SH3BP5L: variants seen among roughly 807,000 people sequenced by gnomAD.
SH3BP5L encodes SH3 domain-binding protein 5-like.
In SH3BP5L, 16 loss-of-function variants were observed where a neutral mutation model predicts 40.9. That is an observed-to-expected ratio of 0.39 (90% CI 0.27 to 0.59). SH3BP5L has a LOEUF of 0.59. Among genes scored for constraint, SH3BP5L ranks in the 20% least tolerant of loss-of-function variants. SH3BP5L has a pLI of 0.53. For synonymous variants in SH3BP5L, 229 were observed against 226.7 expected, an observed-to-expected ratio of 1.01 and a Z score of -0.09; for missense variants, 471 against 544.6, an observed-to-expected ratio of 0.86 and a Z score of 1.35.
In SH3BP5L at chr1:248,824,752, C is replaced by A; in HGVS notation, c.183+1G>T. ...TCTCTCCCTGCTCTCAGTGCTCTCA[C>A]CTGTATTCTAGGATCCAGTTCTTCC... On this transcript the variant is annotated splice_donor_variant, in intron 2 of 6. Coordinates refer to ENST00000366472, the MANE Select transcript of SH3BP5L (RefSeq NM_030645.3). LOFTEE classifies it high-confidence loss of function. 1 of 1,613,674 alleles carries A rather than the reference C, an allele frequency of 6.2e-7. No homozygotes were observed. The highest frequency in any genetic ancestry group is 8.5e-7 in the Non-Finnish European group (1 of 1,179,696).
rs111273181 is a variant in SH3BP5L at position 248,824,965 on chromosome 1, A to C, written c.-30T>G. On this transcript the variant is annotated 5_prime_UTR_variant, in exon 2 of 7. Coordinates refer to ENST00000366472, the MANE Select transcript of SH3BP5L (RefSeq NM_030645.3). ...ACAGGGGGAGGGCAGAGCCCTATGC[A>C]CAAGAGAGGACTGACATGCTGGGAC... The C allele has an allele frequency of 1.2e-5, 19 of 1,587,444 alleles. No homozygotes were observed. The African/African-American group carries it at 1.4e-4, about 11-fold the overall frequency.
chr1:248,820,916 T>A (rs957471670), intron 2 of SH3BP5L: 1 of 152,184 alleles, frequency 6.6e-6, no homozygotes, highest in Non-Finnish European at 1.5e-5. Flanking sequence ...GTTACTACTG[T>A]TAAAAGGACA....
At chr1:248,817,066 A>T in intron 2 of SH3BP5L, 182 bp from the exon 3 acceptor site, 1 of 1,531,160 alleles carries the variant, frequency 6.5e-7, no homozygotes, top group Non-Finnish European at 8.8e-7. Flanking sequence ...CAGGGACCTG[A>T]TACATACAAT....
intron 2 of SH3BP5L, among the ~76,000 whole-genome samples, chr1:248,824,016 C>G (rs546312433): frequency 6.6e-6 from 1 of 152,168 alleles, no homozygotes; most frequent in South Asian, 2.1e-4. Context: ...CACTGACTAC[C>G]CCCAGGTCTC....
At position 248,814,496 on chromosome 1, in the gene SH3BP5L, G is replaced by A. The variant is rs368667660; in HGVS notation, c.490C>T (p.Arg164Ter). ...AEQGVMADKN[R>*]LDPTWQEMLN... is the part of the protein sequence containing the mutation. ...ATCTCCTGCCACGTGGGGTCCAGTC[G>A]GTTCTTGTCAGCCATGACGCCCTGC... Residue 164 changes from arginine to a stop codon, truncating the protein, a stop_gained, in exon 5 of 7, where the codon CGA becomes TGA. Transcript: ENST00000366472. LOFTEE classifies it high-confidence loss of function. 4 of 1,614,186 alleles carry A rather than the reference G, an allele frequency of 2.5e-6. No individual in the cohort carries two copies. The highest frequency in any genetic ancestry group is 3.4e-6 in the Non-Finnish European group (4 of 1,180,042).
In SH3BP5L at chr1:248,812,424, T is replaced by A; in HGVS notation, c.712-54A>T. On this transcript the variant is annotated intron_variant, in intron 6 of 6. Transcript: ENST00000366472. This position sits in a 1 kb window ranked among gnomAD's most constrained non-coding sequence, Gnocchi z 6.1. ...CCCATGGGGCACGTCTCCACCTTCC[T>A]CAGCACTCTGCACTGAGGTCTGAGG... 1 of 1,414,506 alleles carries A rather than the reference T, an allele frequency of 7.1e-7. No homozygotes were observed. Among genetic ancestry groups the A allele is most frequent in the Non-Finnish European group, 9.8e-7 (1 of 1,019,122 alleles). 87.6% of individuals were successfully genotyped at this position (1,414,506 alleles called of 1,614,324 possible).
Position 248,813,062 on chromosome 1 carries a change from T to A in SH3BP5L, c.638A>T (p.Lys213Met), listed in dbSNP as rs1361368175. 3 of 1,612,226 alleles carry A rather than the reference T, an allele frequency of 1.9e-6. No homozygotes were observed. Among genetic ancestry groups the A allele is most frequent in the Non-Finnish European group, 2.5e-6 (3 of 1,178,842 alleles). Residue 213 changes from lysine to methionine, a missense_variant, in exon 6 of 7, where the codon AAG becomes ATG. By Grantham distance (95) the Lys-to-Met change is moderately conservative. Coordinates refer to ENST00000366472, the MANE Select transcript of SH3BP5L (RefSeq NM_030645.3). The part of the protein sequence containing the change: ...QAEARVQALQ[K>M]TLRRAIGKSR... ...CTTGCCGATGGCCCTCCGGAGGGTC[T>A]TCTGCAGGGCTTGGACCCGAGCCTC...
chr1:248,815,667 ATAT>A (rs748936605), intron 4 of SH3BP5L, among the ~76,000 whole-genome samples: 125 of 152,166 alleles, frequency 8.2e-4, no homozygotes, highest in Non-Finnish European at 1.5e-3. Flanking sequence ...GACCAAGCCG[ATAT>A]TTCCTCTGCC....
In SH3BP5L at chr1:248,825,828, G is replaced by C. The variant is rs537924557; in HGVS notation, c.-432+7C>G. 1 of 969,908 alleles carries C rather than the reference G, an allele frequency of 1.0e-6. No individual in the cohort carries two copies. The highest frequency in any genetic ancestry group is 1.8e-5 in the African/African-American group (1 of 56,748). 60.1% of individuals were successfully genotyped at this position (969,908 alleles called of 1,614,324 possible). Reference sequence around the variant, plus strand: ...GCCATGCGCAAAAGCCCCCCGCACAGCCTTACCTCAGTTTACCTTCCCGTC... The same window carrying C: ...GCCATGCGCAAAAGCCCCCCGCACACCCTTACCTCAGTTTACCTTCCCGTC... On this transcript the variant is annotated splice_region_variant and intron_variant, in intron 1 of 6. Coordinates refer to ENST00000366472, the MANE Select transcript of SH3BP5L (RefSeq NM_030645.3).
intron 2 of SH3BP5L, among the ~76,000 whole-genome samples, chr1:248,817,875 G>A (rs1475925200): frequency 1.3e-5 from 2 of 152,082 alleles, no homozygotes; most frequent in East Asian, 3.9e-4. Context: ...TGCCAGTGAA[G>A]AACAAAGGGC....
At chr1:248,814,692 G>A in intron 4 of SH3BP5L, 82 bp from the exon 5 acceptor site, 1 of 1,450,012 alleles carries the variant, frequency 6.9e-7, no homozygotes, top group Non-Finnish European at 9.7e-7. Flanking sequence ...GTGAGGATAA[G>A]AGAAGGAGGA....
At chr1:248,818,005 C>A (rs1664151269) in intron 2 of SH3BP5L, among the ~76,000 whole-genome samples, 1 of 152,132 alleles carries the variant, frequency 6.6e-6, no homozygotes, top group South Asian at 2.1e-4. Flanking sequence ...AAGGGTCTCT[C>A]AGAGCCTGGT....
intron 2 of SH3BP5L, among the ~76,000 whole-genome samples, chr1:248,818,962 C>T (rs1226944795): frequency 6.6e-6 from 1 of 152,214 alleles, no homozygotes; most frequent in Non-Finnish European, 1.5e-5. Context: ...AGTGACACCA[C>T]AATCACTTCC....
rs528817496 is a variant in SH3BP5L at position 248,821,449 on chromosome 1, A to G, written c.183+3304T>C. On this transcript the variant is annotated intron_variant, in intron 2 of 6. Transcript: ENST00000366472. The surrounding 1 kb of genome is among the most constrained non-coding windows in gnomAD (Gnocchi z 4.6). ...CCACCCCACCTAGTGCAGACCATCA[A>G]AAGACTCAAACTAATGGTAACTGGG... 1.4e-4 allele frequency among the ~76,000 whole-genome samples: 22 copies of G among 152,134 alleles called. No individual in the cohort carries two copies. Among genetic ancestry groups the G allele is most frequent in the Admixed American group, 9.2e-4 (14 of 15,272 alleles).
Position 248,810,450 on chromosome 1 carries a change from C to T in SH3BP5L, c.*1450G>A, listed in dbSNP as rs1663866084. On this transcript the variant is annotated 3_prime_UTR_variant, in exon 7 of 7. Transcript: ENST00000366472. ...CTCCAGCAAGGACAGTAGATGTTAA[C>T]TGTTACATAAACTACTTTATTTAAA... 6.6e-6 allele frequency: 1 copy of T among 152,390 alleles called. No homozygotes were observed. Among genetic ancestry groups the T allele is most frequent in the Non-Finnish European group, 1.5e-5 (1 of 68,104 alleles). The allele number at this position is 152,390 out of a possible 1,614,324, so 9.4% of individuals were successfully genotyped here.
Position 248,825,177 on chromosome 1 carries a change from G to C in SH3BP5L, c.-242C>G, listed in dbSNP as rs1664345703. 1.6e-6 allele frequency: 2 copies of C among 1,279,828 alleles called. No individual in the cohort carries two copies. Among genetic ancestry groups the C allele is most frequent in the Non-Finnish European group, 2.0e-6 (2 of 1,012,410 alleles). The allele number at this position is 1,279,828 out of a possible 1,614,324, so 79.3% of individuals were successfully genotyped here. A position where few individuals can be genotyped will look rare whatever the true frequency, so the allele number is the denominator to read the frequency against. On this transcript the variant is annotated 5_prime_UTR_variant, in exon 2 of 7. Transcript: ENST00000366472. ...AAAGTTCTTCCCTTCCCGCCACAGG[G>C]AGTCCACTGTGACAAACCCGGAGCA...
chr1:248,811,249 C>T lies in SH3BP5L; in HGVS notation c.*651G>A, dbSNP rs918395888. On this transcript the variant is annotated 3_prime_UTR_variant, in exon 7 of 7. Coordinates refer to ENST00000366472, the MANE Select transcript of SH3BP5L (RefSeq NM_030645.3). ...CCCTGACACCAGCTTCCTGCAGGCC[C>T]TGTAAGTTCTGCTTTGGGGCACACA... 28 of 152,362 alleles carry T rather than the reference C, an allele frequency of 1.8e-4. No homozygotes were observed. Among genetic ancestry groups the T allele is most frequent in the Non-Finnish European group, 3.2e-4 (22 of 68,152 alleles). The allele number at this position is 152,362 out of a possible 1,614,324, so 9.4% of individuals were successfully genotyped here.
intron 2 of SH3BP5L, chr1:248,820,754 G>A (rs1340628207): frequency 6.6e-6 from 1 of 152,166 alleles, no homozygotes; most frequent in African/African-American, 2.4e-5. Context: ...ATTGTGGGGG[G>A]TCAGTTGGTA....
At chr1:248,814,268 G>A (rs192670009) in intron 5 of SH3BP5L, 181 bp downstream of exon 5, 54 of 665,014 alleles carry the variant, frequency 8.1e-5, no homozygotes, top group African/African-American at 8.0e-4. Context: ...GAGGGAAATG[G>A]AATATGGGAA....
Sources: allele counts gnomAD v4.1 joint callset (sites outside exome capture counted in the v4.1 genomes callset), GRCh38; gene constraint gnomAD v4.1.1; non-coding constraint Gnocchi (gnomAD v3.1); transcripts MANE v1.5; gene names NCBI Gene and HGNC (gene_info 2026-07-23, HGNC 2026-07-21).